The following HEATR4 variants were observed in gnomAD, a reference collection of about 807,000 sequenced individuals.
HEATR4 encodes HEAT repeat containing 4.
HEATR4 carries 95 observed loss-of-function variants against 108.8 expected under a neutral mutation model. That is an observed-to-expected ratio of 0.87 (90% CI 0.74 to 1.04). The LOEUF (loss-of-function observed/expected upper bound fraction) is 1.04, where lower values mean the gene tolerates loss of function less well. Among genes scored for constraint, HEATR4 ranks in the 50% least tolerant of loss-of-function variants. The pLI, the probability that HEATR4 is intolerant of heterozygous loss-of-function variation, is 0.00. For synonymous variants in HEATR4, 443 were observed against 459.4 expected (o/e 0.96, Z 0.46); for missense variants, 1,152 against 1,253.8 (o/e 0.92, Z 1.23).
rs1219550197 is a variant in HEATR4 at position 73,509,809 on chromosome 14, CCCATATATATATATATAT to C, written c.1559-354_1559-337del. ...AAAAGCAACCAATTTGCCCCATGAG[CCCATATATATATATATAT>C]ATATATATATATATATATATATATA... On this transcript the variant is annotated intron_variant, in intron 7 of 17. Coordinates refer to ENST00000553558, the MANE Select transcript of HEATR4 (RefSeq NM_001220484.1). 2.1e-3 allele frequency among the ~76,000 whole-genome samples: 11 copies of C among 5,190 alleles called. 2 individuals are homozygous for C. The highest frequency in any genetic ancestry group is 2.9e-3 in the Non-Finnish European group (11 of 3,804). The allele number at this position is 5,190 out of a possible 152,430, so 3.4% of individuals were successfully genotyped here.
chr14:73,490,136 G>GT (rs1246262871), intron 17 of HEATR4, among the ~76,000 whole-genome samples: 3 of 152,048 alleles, frequency 2.0e-5, no homozygotes, highest in Non-Finnish European at 4.4e-5. Flanking sequence ...GCTTCTTCTT[G>GT]TTTTTTGAGA....
chr14:73,595,109 A>T, the HEATR4 span: 6 of 1,614,174 alleles, frequency 3.7e-6, no homozygotes, highest in Non-Finnish European at 5.1e-6. Flanking sequence ...TTGTCTCTCA[A>T]TGGCCTCATT....
upstream of HEATR4, among the ~76,000 whole-genome samples, chr14:73,561,344 C>A (rs972672613): frequency 2.0e-5 from 3 of 148,254 alleles, no homozygotes; most frequent in African/African-American, 7.5e-5. Flanking sequence ...CCAGCCCGGG[C>A]GACAGAGCGA....
At chr14:73,504,728 T>C (rs1595102919) in intron 10 of HEATR4, among the ~76,000 whole-genome samples, 1 of 152,100 alleles carries the variant, frequency 6.6e-6, no homozygotes, top group Non-Finnish European at 1.5e-5. Context: ...AGAGTGGAGG[T>C]TGTTCACTTA....
intron 17 of HEATR4, among the ~76,000 whole-genome samples, chr14:73,485,708 A>G (rs952211749): frequency 5.3e-5 from 8 of 152,190 alleles, no homozygotes; most frequent in Admixed American, 3.3e-4. Context: ...CTCCATCTCA[A>G]CTAAAAATAC....
At chr14:73,524,003 G>A (rs1228023746) in intron 2 of HEATR4, among the ~76,000 whole-genome samples, 1 of 151,918 alleles carries the variant, frequency 6.6e-6, no homozygotes, top group African/African-American at 2.4e-5. Flanking sequence ...ATATTTAATA[G>A]CTGTAGGCCG....
intron 10 of HEATR4, among the ~76,000 whole-genome samples, chr14:73,504,938 T>C (rs1174610840): frequency 1.3e-5 from 2 of 152,018 alleles, no homozygotes; most frequent in African/African-American, 4.8e-5. Context: ...ACAGTTGGTT[T>C]GTTTTTTTTT....
At position 73,522,444 on chromosome 14, in the gene HEATR4, G is replaced by A; in HGVS notation, c.709C>T (p.Leu237=). ...TGACTCCAGTCGTACTGCTGGCGCA[G>A]GAAGCTCTGCCACTTGTTGGGGGAT... The part of the protein sequence containing the change: ...GASPNKWQSF[L]RQQYDWSHIR... Residue 237 remains leucine (L), a synonymous_variant, in exon 3 of 18, where the codon CTG becomes TTG. Transcript: ENST00000553558. 6.2e-7 allele frequency: 1 copy of A among 1,614,240 alleles called. No homozygotes were observed. The highest frequency in any genetic ancestry group is 8.5e-7 in the Non-Finnish European group (1 of 1,180,050).
chr14:73,487,129 A>G (rs1205658530), intron 17 of HEATR4, among the ~76,000 whole-genome samples: 1 of 148,118 alleles, frequency 6.8e-6, no homozygotes, highest in African/African-American at 2.5e-5. Context: ...AATAATTAAA[A>G]AAAGAATGTC....
the HEATR4 span, chr14:73,611,108 T>C: frequency 6.6e-6 from 1 of 152,232 alleles, no homozygotes; most frequent in South Asian, 2.1e-4. Context: ...CTCACTGGAC[T>C]CAGACAAGTT....
intron 8 of HEATR4, among the ~76,000 whole-genome samples, chr14:73,509,021 C>T (rs1267865997): frequency 4.6e-5 from 7 of 151,932 alleles, no homozygotes; most frequent in Non-Finnish European, 1.0e-4. Flanking sequence ...AGCACACCAC[C>T]GCACCTGGCT....
At chr14:73,596,633 C>CT in the HEATR4 span, 1 of 152,168 alleles carries the variant, frequency 6.6e-6, no homozygotes, top group East Asian at 1.9e-4. Flanking sequence ...CAGAGTCACT[C>CT]TGTTGCCCAG....
Position 73,508,121 on chromosome 14 carries a change from A to G in HEATR4, c.1881+13T>C. 6.2e-7 allele frequency: 1 copy of G among 1,612,576 alleles called. No homozygotes were observed. The highest frequency in any genetic ancestry group is 8.5e-7 in the Non-Finnish European group (1 of 1,178,664). ...TCCCCAAAACTGTGTCTGACCCGGTAATGGACACATACTGTCTTCTCACTC... is the reference window on the plus strand; with the variant it reads ...TCCCCAAAACTGTGTCTGACCCGGTGATGGACACATACTGTCTTCTCACTC... On this transcript the variant is annotated intron_variant, in intron 9 of 17. Transcript: ENST00000553558.
Position 73,499,089 on chromosome 14 carries a change from T to C in HEATR4, c.2338A>G (p.Lys780Glu). The C allele has an allele frequency of 6.2e-7, 1 of 1,614,170 alleles. No individual in the cohort carries two copies. Among genetic ancestry groups the C allele is most frequent in the Non-Finnish European group, 8.5e-7 (1 of 1,179,996 alleles). The change falls in exon 13 of 18, where the codon AAG (lysine) becomes GAG (glutamate). Residue 780 changes from lysine to glutamate, a missense_variant. Physicochemically the swap from Lys to Glu is moderately conservative, Grantham distance 56. Transcript: ENST00000553558. ...LMQRDPYWKI[K>E]AFAIRALGQI... is the part of the protein sequence containing the mutation. ...ATAATACCTCGAATGGCAAAGGCCT[T>C]GATTTTCCAGTAAGGATCTCTCTGC...
the HEATR4 span, among the ~76,000 whole-genome samples, chr14:73,585,720 A>G: frequency 6.6e-6 from 1 of 150,986 alleles, no homozygotes; most frequent in South Asian, 2.1e-4. Context: ...GTACTATCAC[A>G]TTGGGTATTA....
At chr14:73,585,822 T>TTC in the HEATR4 span, among the ~76,000 whole-genome samples, 27 of 119,550 alleles carry the variant, frequency 2.3e-4, no homozygotes, top group African/African-American at 1.0e-3. Context: ...GTCTTTTTCT[T>TTC]TTTTTTTTTT....
chr14:73,518,285 T>C (rs1417378522), intron 5 of HEATR4, among the ~76,000 whole-genome samples: 2 of 151,450 alleles, frequency 1.3e-5, no homozygotes, highest in Non-Finnish European at 2.9e-5. Context: ...GCACCTGTGA[T>C]TCCAGCTACC....
chr14:73,594,506 G>C, the HEATR4 span, among the ~76,000 whole-genome samples: 1 of 152,078 alleles, frequency 6.6e-6, no homozygotes, highest in Non-Finnish European at 1.5e-5. Context: ...CAGTTTCCAA[G>C]TTTTTCAGTG....
intron 1 of HEATR4, among the ~76,000 whole-genome samples, chr14:73,543,974 T>C (rs1188003325): frequency 1.9e-5 from 2 of 107,922 alleles, no homozygotes; most frequent in Non-Finnish European, 4.0e-5. Flanking sequence ...GGTACGTAAA[T>C]GGAGTTCAAT....
Sources: gnomAD v4.1 joint callset for allele counts (sites outside exome capture counted in the v4.1 genomes callset) on GRCh38, gnomAD v4.1.1 for gene constraint, MANE v1.5 for transcripts, NCBI Gene and HGNC (gene_info 2026-07-23, HGNC 2026-07-21) for gene names.